CCDC85A: variants seen among roughly 807,000 people sequenced by gnomAD.
CCDC85A encodes the protein coiled-coil domain-containing protein 85A.
A neutral mutation model predicts 50.2 loss-of-function variants in CCDC85A; 38 were observed. That is an observed-to-expected ratio of 0.76 (90% CI 0.58 to 0.99). The LOEUF is 0.99. Among genes scored for constraint, CCDC85A ranks in the 50% least tolerant of loss-of-function variants. The pLI is 0.00. For synonymous variants in CCDC85A, 366 were observed against 301.4 expected (o/e 1.21, Z -2.22); for missense variants, 820 against 742.0 (o/e 1.11, Z -1.22).
At chr2:56,338,248 T>A (rs757033302) in intron 2 of CCDC85A, among the ~76,000 whole-genome samples, 8 of 152,204 alleles carry the variant, frequency 5.3e-5, no homozygotes, top group Non-Finnish European at 8.8e-5. Context: ...AATGGTCAAT[T>A]TAAATTATGG....
chr2:56,265,407 T>C (rs1176276577), intron 2 of CCDC85A, among the ~76,000 whole-genome samples: 1 of 115,850 alleles, frequency 8.6e-6, no homozygotes. Context: ...CAAATAACCC[T>C]ATTTTAAAAA....
chr2:56,312,095 G>A (rs13421464), intron 2 of CCDC85A, among the ~76,000 whole-genome samples: 4,265 of 152,142 alleles, frequency 0.028, 206 homozygotes, highest in African/African-American at 0.097. Flanking sequence ...TGAATGAAGC[G>A]AAGGATAAGA....
chr2:56,313,636 A>G (rs983755233), intron 2 of CCDC85A, among the ~76,000 whole-genome samples: 5 of 152,132 alleles, frequency 3.3e-5, no homozygotes, highest in African/African-American at 9.7e-5. Context: ...TAAATCATCT[A>G]TTGGCTAAGC....
intron 2 of CCDC85A, among the ~76,000 whole-genome samples, chr2:56,214,256 T>C (rs1225670806): frequency 6.6e-6 from 1 of 151,960 alleles, no homozygotes; most frequent in Non-Finnish European, 1.5e-5. Context: ...AAGAAGAGGA[T>C]GGTAATAATT....
intron 5 of CCDC85A, chr2:56,379,889 C>G (rs1238805251): frequency 1.6e-6 from 1 of 639,526 alleles, no homozygotes; most frequent in East Asian, 1.4e-4. Flanking sequence ...GTGTTGAAAG[C>G]CACATCGTAG....
At chr2:56,222,536 G>T (rs1668370180) in intron 2 of CCDC85A, among the ~76,000 whole-genome samples, 1 of 152,086 alleles carries the variant, frequency 6.6e-6, no homozygotes. Flanking sequence ...ATAGAAGAAT[G>T]AATTTCTGGA....
chr2:56,333,761 G>A (rs538519520), intron 2 of CCDC85A, among the ~76,000 whole-genome samples: 1 of 152,098 alleles, frequency 6.6e-6, no homozygotes, highest in South Asian at 2.1e-4. Context: ...GTGAGAGAGA[G>A]GAACCACGCA....
intron 2 of CCDC85A, among the ~76,000 whole-genome samples, chr2:56,239,866 C>A (rs912214700): frequency 6.6e-6 from 1 of 151,964 alleles, no homozygotes; most frequent in Non-Finnish European, 1.5e-5. Context: ...CATTATAACT[C>A]GAGATCTTTT....
intron 2 of CCDC85A, among the ~76,000 whole-genome samples, chr2:56,207,107 G>C (rs185170982): frequency 6.6e-6 from 1 of 152,302 alleles, no homozygotes; most frequent in African/African-American, 2.4e-5. Context: ...CCTTTGGCTT[G>C]TCTAGTGCAG....
chr2:56,203,850 A>G (rs913377442), intron 2 of CCDC85A, among the ~76,000 whole-genome samples: 1 of 152,236 alleles, frequency 6.6e-6, no homozygotes, highest in Non-Finnish European at 1.5e-5. Flanking sequence ...TGTGTTTAAA[A>G]CACTTTAAAA....
chr2:56,257,848 T>G (rs922419498), intron 2 of CCDC85A, among the ~76,000 whole-genome samples: 1 of 152,044 alleles, frequency 6.6e-6, no homozygotes, highest in African/African-American at 2.4e-5. Flanking sequence ...ATATAAAAGA[T>G]GTTGTAGATG....
Position 56,192,401 on chromosome 2 carries a change from T to C in CCDC85A, c.277-76T>C. ...CAGGTAATTCACCAGTTACAGGCTC[T>C]CCCTTTCCAGGAAGTCTGAGCCTGC... On this transcript the variant is annotated intron_variant, in intron 1 of 5. Transcript: ENST00000407595. The surrounding 1 kb of genome is among the most constrained non-coding windows in gnomAD (Gnocchi z 4.7). 1 of 1,526,102 alleles carries C rather than the reference T, an allele frequency of 6.6e-7. No homozygotes were observed. The highest frequency in any genetic ancestry group is 8.8e-7 in the Non-Finnish European group (1 of 1,137,802). The allele number at this position is 1,526,102 out of a possible 1,614,324, so 94.5% of individuals were successfully genotyped here.
At chr2:56,259,942 C>G (rs1006015755) in intron 2 of CCDC85A, among the ~76,000 whole-genome samples, 6 of 152,174 alleles carry the variant, frequency 3.9e-5, no homozygotes, top group Non-Finnish European at 8.8e-5. Context: ...CAAGTGGGGC[C>G]TTTTCCTTAT....
intron 2 of CCDC85A, among the ~76,000 whole-genome samples, chr2:56,255,642 A>T (rs1669951347): frequency 6.6e-6 from 1 of 152,200 alleles, no homozygotes; most frequent in South Asian, 2.1e-4. Context: ...GAAGATGGAG[A>T]ATAAGACCAG....
chr2:56,369,155 G>A (rs901240094), intron 3 of CCDC85A, among the ~76,000 whole-genome samples: 3 of 151,910 alleles, frequency 2.0e-5, no homozygotes, highest in Non-Finnish European at 2.9e-5. Context: ...CTTAATTCAC[G>A]CAAATTTGAG....
At chr2:56,327,619 T>C (rs1673542102) in intron 2 of CCDC85A, among the ~76,000 whole-genome samples, 1 of 152,098 alleles carries the variant, frequency 6.6e-6, no homozygotes, top group Non-Finnish European at 1.5e-5. Context: ...AGTAGTATAG[T>C]TATTCTAATT....
At chr2:56,232,988 A>C (rs1668839493) in intron 2 of CCDC85A, among the ~76,000 whole-genome samples, 1 of 152,154 alleles carries the variant, frequency 6.6e-6, no homozygotes, top group Admixed American at 6.6e-5. Flanking sequence ...GCAGTGCTCC[A>C]GCCCACATTG....
intron 2 of CCDC85A, among the ~76,000 whole-genome samples, chr2:56,297,968 C>T (rs1672031128): frequency 6.6e-6 from 1 of 152,130 alleles, no homozygotes. Context: ...ACAACATATT[C>T]GTCTCTGGAA....
At chr2:56,201,105 CA>C (rs1676724906) in intron 2 of CCDC85A, among the ~76,000 whole-genome samples, 1 of 151,606 alleles carries the variant, frequency 6.6e-6, no homozygotes. Flanking sequence ...CACACACACA[CA>C]CACACACACA....
Sources: gnomAD v4.1 joint callset for allele counts (sites outside exome capture counted in the v4.1 genomes callset) on GRCh38, gnomAD v4.1.1 for gene constraint, Gnocchi (gnomAD v3.1) non-coding constraint, MANE v1.5 for transcripts, NCBI Gene and HGNC (gene_info 2026-07-23, HGNC 2026-07-21) for gene names.